The following EIF4ENIF1 variants were observed in gnomAD, a reference collection of about 807,000 sequenced individuals.
EIF4ENIF1 encodes eukaryotic translation initiation factor 4E transporter.
In EIF4ENIF1, 23 loss-of-function variants were observed where a neutral mutation model predicts 110.5. The ratio of observed to expected loss-of-function variants is 0.21; its 90% CI spans 0.15 to 0.29. EIF4ENIF1 has a LOEUF of 0.29. EIF4ENIF1 is among the 10% of genes least tolerant of loss of function. EIF4ENIF1 has a pLI of 1.00. For synonymous variants in EIF4ENIF1, 440 were observed against 437.0 expected, an observed-to-expected ratio of 1.01 and a Z score of -0.09; for missense variants, 1,031 against 1,221.1, an observed-to-expected ratio of 0.84 and a Z score of 2.32.
chr22:31,469,227 G>T (rs2051284956), intron 3 of EIF4ENIF1, among the ~76,000 whole-genome samples: 1 of 152,142 alleles, frequency 6.6e-6, no homozygotes, highest in Admixed American at 6.6e-5. Flanking sequence ...GAACATCCTG[G>T]ACAAGTTACT....
chr22:31,456,358 G>A (rs984080386), intron 7 of EIF4ENIF1, among the ~76,000 whole-genome samples: 234 of 151,400 alleles, frequency 1.5e-3, no homozygotes, highest in South Asian at 3.6e-3. Context: ...TGAGTAGCTG[G>A]GACTACAGGC....
intron 9 of EIF4ENIF1, 126 bp from the exon 10 acceptor site, chr22:31,454,502 G>T: frequency 1.3e-6 from 1 of 767,016 alleles, no homozygotes; most frequent in Non-Finnish European, 2.1e-6. Flanking sequence ...TGTCAGAAAA[G>T]ACTGACACCA....
chr22:31,483,129 C>T (rs924897983), intron 2 of EIF4ENIF1, among the ~76,000 whole-genome samples: 6 of 148,764 alleles, frequency 4.0e-5, no homozygotes, highest in Non-Finnish European at 8.9e-5. Flanking sequence ...AACAGAATAG[C>T]AGGTACTATA....
At chr22:31,437,453 C>CCA (rs1057126807), downstream of EIF4ENIF1, 2 of 119,396 alleles carry the variant, frequency 1.7e-5, no homozygotes, top group South Asian at 3.3e-4. Flanking sequence ...GCCTTCATCC[C>CCA]CCCCCCACCC....
At chr22:31,456,381 GC>G (rs1477288413) in intron 7 of EIF4ENIF1, among the ~76,000 whole-genome samples, 9 of 151,128 alleles carry the variant, frequency 6.0e-5, no homozygotes, top group Non-Finnish European at 4.4e-5. Flanking sequence ...CTGCCACCAC[GC>G]CCGGCTAATT....
At chr22:31,443,397 A>C in intron 15 of EIF4ENIF1, 1 of 249,280 alleles carries the variant, frequency 4.0e-6, no homozygotes, top group Non-Finnish European at 7.3e-6. Flanking sequence ...CAGAAATATA[A>C]CTTGGAGCAA....
chr22:31,450,842 ACT>A (rs1339734233), intron 10 of EIF4ENIF1: 1 of 106,092 alleles, frequency 9.4e-6, no homozygotes, highest in South Asian at 2.3e-4. Flanking sequence ...ATATATATAT[ACT>A]ACACACACAC....
chr22:31,461,019 C>A (rs150537616), intron 6 of EIF4ENIF1, among the ~76,000 whole-genome samples: 7 of 152,166 alleles, frequency 4.6e-5, no homozygotes, highest in African/African-American at 1.7e-4. Context: ...AAAAGGCTTT[C>A]AACTAAGCCT....
chr22:31,441,232 G>A (rs1330036194), intron 17 of EIF4ENIF1, among the ~76,000 whole-genome samples: 1 of 151,818 alleles, frequency 6.6e-6, no homozygotes, highest in African/African-American at 2.4e-5. Flanking sequence ...TAGCCTGGGC[G>A]ACAGAGCGAG....
intron 7 of EIF4ENIF1, 110 bp from the exon 8 acceptor site, chr22:31,456,097 C>G (rs968943374): frequency 8.9e-7 from 1 of 1,120,876 alleles, no homozygotes; most frequent in African/African-American, 1.6e-5. Flanking sequence ...TGCTCGTGAC[C>G]TGAAGATAAA....
At chr22:31,483,244 CTT>C (rs2051894343) in intron 2 of EIF4ENIF1, among the ~76,000 whole-genome samples, 3 of 109,430 alleles carry the variant, frequency 2.7e-5, no homozygotes, top group African/African-American at 3.3e-5. Context: ...GACAGGGTCT[CTT>C]TTTGTTGCAC....
chr22:31,461,406 T>TA (rs1359816235), intron 6 of EIF4ENIF1, among the ~76,000 whole-genome samples: 1 of 152,130 alleles, frequency 6.6e-6, no homozygotes, highest in African/African-American at 2.4e-5. Context: ...GCAAGGGAGA[T>TA]ATCTGACCCC....
At chr22:31,438,538 A>G (rs2050206872), downstream of EIF4ENIF1, among the ~76,000 whole-genome samples, 2 of 152,142 alleles carry the variant, frequency 1.3e-5, no homozygotes, top group African/African-American at 4.8e-5. Context: ...GTAATAGATG[A>G]TTCCTCAATA....
intron 4 of EIF4ENIF1, among the ~76,000 whole-genome samples, chr22:31,465,217 G>C (rs9621265): frequency 0.039 from 5,948 of 151,738 alleles, 277 homozygotes; most frequent in African/African-American, 0.095. Context: ...CAGCTACTTG[G>C]GAGGCTGAGG....
At chr22:31,488,498 G>A (rs2052129230) in intron 2 of EIF4ENIF1, 125 bp downstream of exon 2, 4 of 1,359,378 alleles carry the variant, frequency 2.9e-6, no homozygotes, top group Admixed American at 4.0e-5. Context: ...ACTAAATTTA[G>A]TTAATATTTA....
At chr22:31,480,415 A>G (rs528567790) in intron 2 of EIF4ENIF1, among the ~76,000 whole-genome samples, 6 of 152,342 alleles carry the variant, frequency 3.9e-5, no homozygotes, top group Admixed American at 3.9e-4. Flanking sequence ...ACCTTCTGAC[A>G]TTATGTAGAA....
At chr22:31,492,515 T>A (rs1043522875), upstream of EIF4ENIF1, among the ~76,000 whole-genome samples, 7 of 152,224 alleles carry the variant, frequency 4.6e-5, no homozygotes, top group African/African-American at 1.7e-4. Context: ...TAATGTCTTG[T>A]AGAACTTTGG....
intron 2 of EIF4ENIF1, among the ~76,000 whole-genome samples, chr22:31,483,298 C>T (rs1158999069): frequency 6.8e-6 from 1 of 148,092 alleles, no homozygotes; most frequent in African/African-American, 2.5e-5. Flanking sequence ...ACTGCAGCCT[C>T]AAACGATTCT....
At chr22:31,448,771 C>T (rs541581143) in intron 12 of EIF4ENIF1, among the ~76,000 whole-genome samples, 56 of 152,318 alleles carry the variant, frequency 3.7e-4, no homozygotes, top group South Asian at 1.2e-3. Context: ...GACTTAACAG[C>T]AGATTGTCTA....
Sources: gnomAD v4.1 joint callset for allele counts (sites outside exome capture counted in the v4.1 genomes callset) on GRCh38, gnomAD v4.1.1 for gene constraint, MANE v1.5 for transcripts, NCBI Gene and HGNC (gene_info 2026-07-23, HGNC 2026-07-21) for gene names.